ZNF57: variants seen among roughly 807,000 people sequenced by gnomAD.
ZNF57 encodes the protein zinc finger protein 424.
ZNF57 carries 11 observed loss-of-function variants against 13.4 expected under a neutral mutation model. The ratio of observed to expected loss-of-function variants is 0.82; its 90% confidence interval spans 0.52 to 1.36. The LOEUF is 1.36. ZNF57 is among the 40% of genes most tolerant of loss of function. ZNF57 has a pLI of 0.00. For synonymous variants in ZNF57, 224 were observed against 238.5 expected (o/e 0.94, Z 0.56); for missense variants, 696 against 667.5 (o/e 1.04, Z -0.47).
intron 1 of ZNF57, among the ~76,000 whole-genome samples, chr19:2,913,698 C>T (rs929685500): frequency 1.3e-5 from 2 of 151,876 alleles, no homozygotes; most frequent in Non-Finnish European, 2.9e-5. Flanking sequence ...AACTCTCACT[C>T]TGTCAGTGAT....
intron 1 of ZNF57, among the ~76,000 whole-genome samples, chr19:2,906,812 A>G (rs916816764): frequency 1.3e-5 from 2 of 152,052 alleles, no homozygotes; most frequent in African/African-American, 4.8e-5. Flanking sequence ...TTCAGGAAGG[A>G]GGTTCTGTGG....
intron 1 of ZNF57, among the ~76,000 whole-genome samples, chr19:2,905,764 CAAA>C (rs35657642): frequency 3.3e-5 from 4 of 120,670 alleles, no homozygotes; most frequent in African/African-American, 9.8e-5. Flanking sequence ...GACTCTGTCT[CAAA>C]AAAAAAAAAA....
Position 2,917,744 on chromosome 19 carries a change from T to A in ZNF57, c.1123T>A (p.Trp375Arg), listed in dbSNP as rs767227889. The change falls in exon 4 of 4, where the codon TGG becomes AGG. Residue 375 changes from tryptophan (W) to arginine (R), a missense_variant. Trp to Arg is a moderately radical substitution (Grantham distance 101, BLOSUM62 -3). Coordinates refer to ENST00000306908, the MANE Select transcript of ZNF57 (RefSeq NM_173480.3). ...ECKQCGKAFTWSSTFREHVRI... is the reference protein window; with the variant it reads ...ECKQCGKAFTRSSTFREHVRI... The stretch of plus-strand genomic sequence containing the variant: ...TAAACAATGTGGGAAAGCCTTCACT[T>A]GGTCCTCAACGTTTAGAGAACATGT... 3.7e-6 allele frequency: 6 copies of A among 1,613,558 alleles called. No homozygotes were observed. The Admixed American group carries it at 1.0e-4, about 27-fold the overall frequency.
At chr19:2,911,963 C>G (rs1171549101) in intron 1 of ZNF57, among the ~76,000 whole-genome samples, 1 of 152,208 alleles carries the variant, frequency 6.6e-6, no homozygotes. Context: ...AGGGGTTCTG[C>G]TTTATCTCTT....
intron 1 of ZNF57, among the ~76,000 whole-genome samples, chr19:2,914,277 C>A (rs2088168762): frequency 6.6e-6 from 1 of 152,134 alleles, no homozygotes; most frequent in Non-Finnish European, 1.5e-5. Flanking sequence ...GAGTCTTGCT[C>A]TGTCACCTAG....
At chr19:2,906,726 T>C (rs1431791559) in intron 1 of ZNF57, among the ~76,000 whole-genome samples, 2 of 152,160 alleles carry the variant, frequency 1.3e-5, no homozygotes, top group African/African-American at 4.8e-5. Flanking sequence ...ATCCGTGTTG[T>C]GTGCGCACAA....
intron 1 of ZNF57, among the ~76,000 whole-genome samples, chr19:2,911,135 T>A (rs2088130926): frequency 1.3e-5 from 2 of 152,124 alleles, no homozygotes; most frequent in Non-Finnish European, 2.9e-5. Flanking sequence ...CAATCATGGC[T>A]CACTGCAGCC....
rs1236061187 is a variant in ZNF57 at position 2,918,038 on chromosome 19, G to A, written c.1417G>A (p.Glu473Lys). The A allele has an allele frequency of 6.2e-7, 1 of 1,614,184 alleles. No individual in the cohort carries two copies. ...FQGHLRMHTG[E>K]KPYECKQCGK... ...AGGTCATTTGAGGATGCACACTGGA[G>A]AGAAGCCTTATGAGTGTAAACAATG... is the stretch of plus-strand genomic sequence containing the variant. The change falls in exon 4 of 4, where the codon GAG becomes AAG. Residue 473 changes from glutamate to lysine, a missense_variant. Glu to Lys is a moderately conservative substitution (Grantham distance 56). Around this residue, in one of 3 missense-constraint regions of ZNF57, gnomAD observed 645 missense variants for 591.5 expected, o/e 1.09. Transcript: ENST00000306908.
At chr19:2,915,100 G>A (rs1458303629) in intron 1 of ZNF57, 4 of 160,406 alleles carry the variant, frequency 2.5e-5, no homozygotes, top group Admixed American at 5.9e-5. Flanking sequence ...CCTCAGGCCC[G>A]TCCATACAAA....
chr19:2,917,281 A>G lies in ZNF57; in HGVS notation c.660A>G (p.Ala220=), dbSNP rs772137516. Residue 220 remains alanine, a synonymous_variant, in exon 4 of 4, where the codon GCA becomes GCG. Coordinates refer to ENST00000306908, the MANE Select transcript of ZNF57 (RefSeq NM_173480.3). The part of the protein sequence containing the change: ...YLSHHVKTHT[A]EKTYKCEQCR... ...CCCACCACGTAAAGACTCACACAGC[A>G]GAGAAAACCTACAAATGCGAGCAGT... The G allele has an allele frequency of 4.3e-6, 7 of 1,614,128 alleles. No homozygotes were observed. The South Asian group carries it at 6.6e-5, about 15-fold the overall frequency.
chr19:2,911,750 G>A (rs2088139130), intron 1 of ZNF57, among the ~76,000 whole-genome samples: 1 of 152,134 alleles, frequency 6.6e-6, no homozygotes, highest in African/African-American at 2.4e-5. Flanking sequence ...GTCTACTCAT[G>A]TGTCCATTAA....
At chr19:2,909,292 T>TTTTA (rs2088110833) in intron 1 of ZNF57, among the ~76,000 whole-genome samples, 1 of 135,128 alleles carries the variant, frequency 7.4e-6, no homozygotes, top group African/African-American at 2.7e-5. Context: ...TTTTTTTTTT[T>TTTTA]TTTTTTGAGA....
intron 1 of ZNF57, among the ~76,000 whole-genome samples, chr19:2,914,072 G>A (rs2144931860): frequency 6.6e-6 from 1 of 152,264 alleles, no homozygotes; most frequent in African/African-American, 2.4e-5. Flanking sequence ...TCAGTGTTCT[G>A]CAGATGTCTG....
chr19:2,905,418 C>CA lies in ZNF57; in HGVS notation c.3+4370_3+4371insA, dbSNP rs1491033425. ...GACTTCAGGTGATCGCCCCCCCCCC[C>CA]TCGGCATTCCAAAGTATTTGCATTA... On this transcript the variant is annotated intron_variant, in intron 1 of 3. Transcript: ENST00000306908. Among the ~76,000 whole-genome samples, 48 of 79,076 alleles carry CA rather than the reference C, an allele frequency of 6.1e-4. 16 individuals carry two copies. Among genetic ancestry groups the CA allele is most frequent in the Admixed American group, 3.4e-3 (36 of 10,716 alleles). 51.9% of individuals were successfully genotyped at this position (79,076 alleles called of 152,430 possible).
Position 2,917,073 on chromosome 19 carries a change from ATCTT to A in ZNF57, c.457_460del (p.Ser153LeufsTer62). The A allele has an allele frequency of 6.2e-7, 1 of 1,614,202 alleles. No homozygotes were observed. Among genetic ancestry groups the A allele is most frequent in the East Asian group, 2.2e-5 (1 of 44,884 alleles). Reference sequence around the variant, plus strand: ...ACCAAGTGCAGGACAGTCTTCACGCATCTTTCTTCTCTTAAAAGGCACGTCAAGT... The same window carrying A: ...ACCAAGTGCAGGACAGTCTTCACGCATCTTCTCTTAAAAGGCACGTCAAGT... On this transcript the variant is annotated frameshift_variant, in exon 4 of 4. Coordinates refer to ENST00000306908, the MANE Select transcript of ZNF57 (RefSeq NM_173480.3). LOFTEE classifies it low-confidence loss of function (END_TRUNC).
chr19:2,915,699 CT>C, intron 2 of ZNF57, 51 bp downstream of exon 2: 1 of 1,612,216 alleles, frequency 6.2e-7, no homozygotes. Flanking sequence ...TCATTTCTTT[CT>C]CATCAGTTCT....
intron 1 of ZNF57, among the ~76,000 whole-genome samples, chr19:2,914,309 G>A (rs1239535396): frequency 2.0e-5 from 3 of 152,058 alleles, no homozygotes; most frequent in Non-Finnish European, 4.4e-5. Flanking sequence ...ATTCTTGGCT[G>A]GAGAGCACAA....
intron 1 of ZNF57, among the ~76,000 whole-genome samples, chr19:2,903,218 A>C (rs1240151626): frequency 6.6e-6 from 1 of 152,068 alleles, no homozygotes; most frequent in Non-Finnish European, 1.5e-5. Context: ...TTATGCTTTA[A>C]GTGTTGTTTT....
Position 2,917,587 on chromosome 19 carries a change from C to T in ZNF57, c.966C>T (p.Thr322=), listed in dbSNP as rs1353554539. Residue 322 remains threonine, a synonymous_variant, in exon 4 of 4, where the codon ACC becomes ACT. Coordinates refer to ENST00000306908, the MANE Select transcript of ZNF57 (RefSeq NM_173480.3). ...QCGKTFSWSE[T]LRVHMRIHTG... is the part of the protein sequence containing the mutation. ...GGAAAACATTCAGTTGGTCTGAAAC[C>T]TTGCGAGTCCACATGAGGATCCACA... The T allele has an allele frequency of 2.5e-6, 4 of 1,612,610 alleles. No homozygotes were observed. Among genetic ancestry groups the T allele is most frequent in the Non-Finnish European group, 2.5e-6 (3 of 1,179,436 alleles).
Sources: allele counts gnomAD v4.1 joint callset (sites outside exome capture counted in the v4.1 genomes callset), GRCh38; gene constraint gnomAD v4.1.1; regional missense constraint gnomAD v4.1.1; transcripts MANE v1.5; gene names NCBI Gene and HGNC (gene_info 2026-07-23, HGNC 2026-07-21).